LDB2: variants seen among roughly 807,000 people sequenced by gnomAD.
The protein encoded by LDB2 is LIM domain binding 2.
In LDB2, 12 loss-of-function variants were observed where a neutral mutation model predicts 44.3. That is an observed-to-expected ratio of 0.27 (90% CI 0.17 to 0.44). LDB2 has a LOEUF of 0.44. Among genes scored for constraint, LDB2 ranks in the 20% least tolerant of loss-of-function variants. The pLI is 1.00. For synonymous variants in LDB2, 164 were observed against 174.8 expected (o/e 0.94, Z 0.49); for missense variants, 344 against 473.5 (o/e 0.73, Z 2.54).
intron 1 of LDB2, among the ~76,000 whole-genome samples, chr4:16,783,650 G>T (rs981056991): frequency 3.3e-5 from 5 of 152,258 alleles, no homozygotes; most frequent in African/African-American, 1.2e-4. Context: ...GCAGGGATAT[G>T]AGAAGTAGAC....
At chr4:16,701,455 T>G (rs1753415947) in intron 2 of LDB2, among the ~76,000 whole-genome samples, 1 of 152,226 alleles carries the variant, frequency 6.6e-6, no homozygotes, top group Non-Finnish European at 1.5e-5. Context: ...CAAGTAATGA[T>G]GAAATGATAA....
chr4:16,529,515 G>T (rs1456125384), intron 5 of LDB2, among the ~76,000 whole-genome samples: 1 of 152,164 alleles, frequency 6.6e-6, no homozygotes, highest in Non-Finnish European at 1.5e-5. Flanking sequence ...ATTTCAATGT[G>T]CATCACTTCT....
At chr4:16,581,120 G>A (rs1041605247) in intron 5 of LDB2, among the ~76,000 whole-genome samples, 3 of 152,182 alleles carry the variant, frequency 2.0e-5, no homozygotes, top group African/African-American at 7.2e-5. Context: ...CATGAGCTCT[G>A]CATACAGGGG....
At chr4:16,640,720 T>A (rs1734898182) in intron 2 of LDB2, among the ~76,000 whole-genome samples, 1 of 152,216 alleles carries the variant, frequency 6.6e-6, no homozygotes, top group African/African-American at 2.4e-5. Context: ...TGGCCCAGGT[T>A]TCACAGCTGG....
intron 2 of LDB2, among the ~76,000 whole-genome samples, chr4:16,646,249 C>T (rs1736762065): frequency 6.6e-6 from 1 of 152,194 alleles, no homozygotes; most frequent in South Asian, 2.1e-4. Context: ...AGAAATCTCT[C>T]TTTCCGCTTT....
chr4:16,534,282 C>T (rs1731027708), intron 5 of LDB2, among the ~76,000 whole-genome samples: 1 of 152,212 alleles, frequency 6.6e-6, no homozygotes, highest in South Asian at 2.1e-4. Context: ...CATTTTATCT[C>T]AGCCTCCATC....
chr4:16,568,190 C>T (rs191102567), intron 5 of LDB2, among the ~76,000 whole-genome samples: 149 of 152,140 alleles, frequency 9.8e-4, no homozygotes, highest in African/African-American at 3.4e-3. Context: ...TAATGGTGGC[C>T]GTTAGTTCAA....
chr4:16,801,308 C>T (rs1378494626), intron 1 of LDB2, among the ~76,000 whole-genome samples: 2 of 152,112 alleles, frequency 1.3e-5, no homozygotes, highest in South Asian at 2.1e-4. Context: ...TTAGACTGCA[C>T]GTCGTTAGGA....
intron 2 of LDB2, among the ~76,000 whole-genome samples, chr4:16,605,830 G>C (rs1245664279): frequency 1.3e-5 from 2 of 152,200 alleles, no homozygotes; most frequent in Non-Finnish European, 2.9e-5. Flanking sequence ...GGATGGAGGA[G>C]TCAGGAAATG....
intron 2 of LDB2, among the ~76,000 whole-genome samples, chr4:16,687,868 C>T (rs1749649453): frequency 1.3e-5 from 2 of 152,168 alleles, no homozygotes. Context: ...CCTTATTCAT[C>T]ATAAGCAAAA....
rs138390838 is a variant in LDB2, at chr4:16,692,304, G to A, written c.235+66854C>T. ...GGCTATAAAGCAGAAAATGATCTTT[G>A]ATTAATTGCTGAGACCTTCAGAATA... is the stretch of plus-strand genomic sequence containing the variant. On this transcript the variant is annotated intron_variant, in intron 2 of 7. Transcript: ENST00000304523. Among the ~76,000 whole-genome samples, 1,435 of 152,290 alleles carry A rather than the reference G, an allele frequency of 9.4e-3. 26 individuals carry two copies. The highest frequency in any genetic ancestry group is 0.032 in the African/African-American group (1,336 of 41,568).
At chr4:16,681,618 C>CTTTTTTTTTTTTTTTTTTTTTTTTTTT (rs536589787) in intron 2 of LDB2, among the ~76,000 whole-genome samples, 1 of 61,700 alleles carries the variant, frequency 1.6e-5, no homozygotes. Context: ...GTATTCTATT[C>CTTTTTTTTTTTTTTTTTTTTTTTTTTT]TTTTTTTTTT....
chr4:16,682,461 G>A (rs973601975), intron 2 of LDB2, among the ~76,000 whole-genome samples: 10 of 152,160 alleles, frequency 6.6e-5, no homozygotes, highest in Non-Finnish European at 2.9e-5. Context: ...AGGTGGCTGT[G>A]ACAATGACCA....
chr4:16,734,282 G>A (rs1334486462), intron 2 of LDB2, among the ~76,000 whole-genome samples: 1 of 152,170 alleles, frequency 6.6e-6, no homozygotes, highest in Non-Finnish European at 1.5e-5. Context: ...CTGGGGTAAT[G>A]CATCCAACAA....
intron 2 of LDB2, among the ~76,000 whole-genome samples, chr4:16,643,239 T>A (rs892517618): frequency 6.6e-6 from 1 of 152,214 alleles, no homozygotes; most frequent in African/African-American, 2.4e-5. Flanking sequence ...CCATATGTGC[T>A]AACTGCACCA....
intron 5 of LDB2, chr4:16,581,521 A>G (rs1714458299): frequency 1.4e-6 from 1 of 723,824 alleles, no homozygotes; most frequent in African/African-American, 1.9e-5. Context: ...CAAACTTGAA[A>G]CTTATATTTT....
intron 3 of LDB2, among the ~76,000 whole-genome samples, chr4:16,591,773 G>C (rs925914147): frequency 6.6e-6 from 1 of 152,044 alleles, no homozygotes; most frequent in Non-Finnish European, 1.5e-5. Context: ...AAAAAAACAG[G>C]CATAGCCTAT....
In LDB2 at chr4:16,828,151, C is replaced by T. The variant is rs535840477; in HGVS notation, c.133-68891G>A. Among the ~76,000 whole-genome samples, 55 of 152,322 alleles carry T rather than the reference C, an allele frequency of 3.6e-4. 3 individuals carry two copies. In the South Asian group the frequency reaches 0.011, roughly 30 times the overall value. ...AGCTCCACCTCAGTTCTTACAGACG[C>T]TCTTTATGCCATCTGTTAGCAGGAT... On this transcript the variant is annotated intron_variant, in intron 1 of 7. Transcript: ENST00000304523.
intron 1 of LDB2, among the ~76,000 whole-genome samples, chr4:16,845,981 C>T (rs372767659): frequency 9.2e-5 from 14 of 151,972 alleles, no homozygotes; most frequent in East Asian, 3.9e-4. Flanking sequence ...TGGCAGCATG[C>T]GCCTGTAGTC....
Sources: allele counts gnomAD v4.1 joint callset (sites outside exome capture counted in the v4.1 genomes callset), GRCh38; gene constraint gnomAD v4.1.1; transcripts MANE v1.5; gene names NCBI Gene and HGNC (gene_info 2026-07-23, HGNC 2026-07-21).